The following KIRREL3 variants were observed in gnomAD, a reference collection of about 807,000 sequenced individuals.
The protein encoded by KIRREL3 is kin of IRRE-like protein 3.
In KIRREL3, 36 loss-of-function variants were observed where a neutral mutation model predicts 89.7. That is an observed-to-expected ratio of 0.40 (90% CI 0.31 to 0.53). The LOEUF is 0.53. KIRREL3 is among the 20% of genes least tolerant of loss of function. The probability of loss-of-function intolerance (pLI) is 0.49; values close to 1 mark genes in which losing one functional copy is unlikely to be tolerated. For missense variants in KIRREL3, 864 were observed against 1,056.6 expected, an observed-to-expected ratio of 0.82 and a Z score of 2.53; for synonymous variants, 445 against 441.4, an observed-to-expected ratio of 1.01 and a Z score of -0.10.
intron 1 of KIRREL3, among the ~76,000 whole-genome samples, chr11:126,834,169 A>C (rs1162252652): frequency 1.3e-5 from 2 of 152,222 alleles, no homozygotes; most frequent in South Asian, 4.1e-4. Flanking sequence ...GTTCGCCTCT[A>C]GTTCCTGGAG....
chr11:126,912,701 G>C lies in KIRREL3; in HGVS notation c.55+87754C>G, dbSNP rs2134918344. Among the ~76,000 whole-genome samples the C allele has an allele frequency of 6.6e-6, 1 of 152,354 alleles. No homozygotes were observed. Among genetic ancestry groups the C allele is most frequent in the African/African-American group, 2.4e-5 (1 of 41,576 alleles). ...TGTTCATCATGTTTCTGGGGTCTTTGTTTCAAATGTGAGGCACAACAGAGC... is the reference window on the plus strand; with the variant it reads ...TGTTCATCATGTTTCTGGGGTCTTTCTTTCAAATGTGAGGCACAACAGAGC... On this transcript the variant is annotated intron_variant, in intron 1 of 16. Transcript: ENST00000525144. The surrounding 1 kb of genome is among the most constrained non-coding windows in gnomAD (Gnocchi z 4.7).
Position 126,761,365 on chromosome 11 carries a change from G to T in KIRREL3, c.56-198453C>A, listed in dbSNP as rs1331462071. 6.6e-6 allele frequency among the ~76,000 whole-genome samples: 1 copy of T among 152,140 alleles called. No homozygotes were observed. Among genetic ancestry groups the T allele is most frequent in the Admixed American group, 6.5e-5 (1 of 15,278 alleles). On this transcript the variant is annotated intron_variant, in intron 1 of 16. Transcript: ENST00000525144. This position sits in a 1 kb window ranked among gnomAD's most constrained non-coding sequence, Gnocchi z 4.4. Reference sequence around the variant, plus strand: ...TCTCAGGAGTTTCCTACTCGCTGGGGCCTGTGAGGCACAGCAACTTGCCTG... The same window carrying T: ...TCTCAGGAGTTTCCTACTCGCTGGGTCCTGTGAGGCACAGCAACTTGCCTG...
In KIRREL3 at chr11:126,976,590, T is replaced by C. The variant is rs1279810164; in HGVS notation, c.55+23865A>G. On this transcript the variant is annotated intron_variant, in intron 1 of 16. Transcript: ENST00000525144. The surrounding 1 kb of genome is among the most constrained non-coding windows in gnomAD (Gnocchi z 4.2). ...ATCATATTTTCAAACGGTTTCAGTG[T>C]TCTGGGAAGTTAATTTTGTTGAATC... 6.6e-6 allele frequency among the ~76,000 whole-genome samples: 1 copy of C among 152,206 alleles called. No individual in the cohort carries two copies. Among genetic ancestry groups the C allele is most frequent in the African/African-American group, 2.4e-5 (1 of 41,452 alleles).
chr11:126,995,355 C>A lies in KIRREL3; in HGVS notation c.55+5100G>T. Reference sequence around the variant, plus strand: ...TCCAGCATGCTCATGATCTTACTGACCTTCTCCACTGATGAATTAGAACAC... The same window carrying A: ...TCCAGCATGCTCATGATCTTACTGAACTTCTCCACTGATGAATTAGAACAC... On this transcript the variant is annotated intron_variant, in intron 1 of 16. Coordinates refer to ENST00000525144, the MANE Select transcript of KIRREL3 (RefSeq NM_032531.4). This position sits in a 1 kb window ranked among gnomAD's most constrained non-coding sequence, Gnocchi z 6.5. 1 of 456,182 alleles carries A rather than the reference C, an allele frequency of 2.2e-6. No homozygotes were observed. Among genetic ancestry groups the A allele is most frequent in the African/African-American group, 2.0e-5 (1 of 50,174 alleles). The allele number at this position is 456,182 out of a possible 1,614,324, so 28.3% of individuals were successfully genotyped here. A position where few individuals can be genotyped will look rare whatever the true frequency, so the allele number is the denominator to read the frequency against.
In KIRREL3 at chr11:126,485,124, T is replaced by C. The variant is rs1265486084; in HGVS notation, c.434-11658A>G. ...GTGAGCCACTGCGCCCGGCCACAAGTGGGATTGTTAAAGGATGTGGCATCC... is the reference window on the plus strand; with the variant it reads ...GTGAGCCACTGCGCCCGGCCACAAGCGGGATTGTTAAAGGATGTGGCATCC... On this transcript the variant is annotated intron_variant, in intron 4 of 16. Transcript: ENST00000525144. The surrounding 1 kb of genome is among the most constrained non-coding windows in gnomAD (Gnocchi z 5.8). Among the ~76,000 whole-genome samples the C allele has an allele frequency of 2.6e-5, 4 of 151,792 alleles. No homozygotes were observed. Among genetic ancestry groups the C allele is most frequent in the Admixed American group, 6.5e-5 (1 of 15,270 alleles).
chr11:126,839,760 G>C (rs370478170), intron 1 of KIRREL3, among the ~76,000 whole-genome samples: 1 of 152,152 alleles, frequency 6.6e-6, no homozygotes, highest in Non-Finnish European at 1.5e-5. Context: ...GCATGCTTCG[G>C]TAATGTTTTA....
Position 126,691,851 on chromosome 11 carries a change from G to T in KIRREL3, c.56-128939C>A, listed in dbSNP as rs564236523. Among the ~76,000 whole-genome samples the T allele has an allele frequency of 1.1e-4, 17 of 152,208 alleles. No homozygotes were observed. The South Asian group carries it at 2.9e-3, about 26-fold the overall frequency. On this transcript the variant is annotated intron_variant, in intron 1 of 16. Coordinates refer to ENST00000525144, the MANE Select transcript of KIRREL3 (RefSeq NM_032531.4). ...AAATAACCAGATTTAAAAAAAATGG[G>T]AAAAGGACTTGAATAGACATTTCTC...
chr11:126,695,447 G>A (rs118181285), intron 1 of KIRREL3, among the ~76,000 whole-genome samples: 4 of 145,766 alleles, frequency 2.7e-5, no homozygotes, highest in South Asian at 2.2e-4. Context: ...TCTAAGTCAC[G>A]TGGCATCTGA....
chr11:126,437,567 C>T (rs762942398), intron 11 of KIRREL3, among the ~76,000 whole-genome samples: 1 of 144,242 alleles, frequency 6.9e-6, no homozygotes, highest in Non-Finnish European at 1.6e-5. Flanking sequence ...TGCACACATG[C>T]CTGCACATAT....
At position 126,708,209 on chromosome 11, in the gene KIRREL3, C is replaced by T. The variant is rs536681035; in HGVS notation, c.56-145297G>A. Among the ~76,000 whole-genome samples the T allele has an allele frequency of 3.3e-5, 5 of 152,168 alleles. No individual in the cohort carries two copies. The highest frequency in any genetic ancestry group is 7.3e-5 in the Non-Finnish European group (5 of 68,036). Reference sequence around the variant, plus strand: ...GGAAACTCATCTGCCTGTGCCGCTGCTTTTTCCTGGCAGTTTACAATGTTA... The same window carrying T: ...GGAAACTCATCTGCCTGTGCCGCTGTTTTTTCCTGGCAGTTTACAATGTTA... On this transcript the variant is annotated intron_variant, in intron 1 of 16. Transcript: ENST00000525144. This position sits in a 1 kb window ranked among gnomAD's most constrained non-coding sequence, Gnocchi z 5.7.
At chr11:126,857,624 T>C (rs574864244) in intron 1 of KIRREL3, among the ~76,000 whole-genome samples, 1 of 152,238 alleles carries the variant, frequency 6.6e-6, no homozygotes, top group African/African-American at 2.4e-5. Flanking sequence ...GACTGGTATT[T>C]CCTTCATGGT....
At chr11:126,504,310 C>T (rs1191259873) in intron 4 of KIRREL3, among the ~76,000 whole-genome samples, 2 of 152,286 alleles carry the variant, frequency 1.3e-5, no homozygotes, top group East Asian at 3.9e-4. Flanking sequence ...CTTATGGTCT[C>T]TTCTCAACCT....
At position 126,425,100 on chromosome 11, in the gene KIRREL3, C is replaced by T. The variant is rs949737607; in HGVS notation, c.1894-77G>A. 4.7e-5 allele frequency: 63 copies of T among 1,346,908 alleles called. 1 individual carries two copies. Among genetic ancestry groups the T allele is most frequent in the East Asian group, 1.8e-4 (7 of 39,608 alleles). 83.4% of individuals were successfully genotyped at this position (1,346,908 alleles called of 1,614,324 possible). A position where few individuals can be genotyped will look rare whatever the true frequency, so the allele number is the denominator to read the frequency against. On this transcript the variant is annotated intron_variant, in intron 16 of 16. Coordinates refer to ENST00000525144, the MANE Select transcript of KIRREL3 (RefSeq NM_032531.4). Reference sequence around the variant, plus strand: ...GTGGCTGGGGTTTCCAGGCTGAGCCCGTCCCCTTATGCGGGGAGGGAAGAG... The same window carrying T: ...GTGGCTGGGGTTTCCAGGCTGAGCCTGTCCCCTTATGCGGGGAGGGAAGAG...
At chr11:126,973,802 G>A (rs1482708695) in intron 1 of KIRREL3, among the ~76,000 whole-genome samples, 2 of 152,166 alleles carry the variant, frequency 1.3e-5, no homozygotes, top group Non-Finnish European at 2.9e-5. Flanking sequence ...CTCAATAAAT[G>A]TTAGTTGCAT....
At position 126,491,285 on chromosome 11, in the gene KIRREL3, G is replaced by T. The variant is rs1350413982; in HGVS notation, c.434-17819C>A. On this transcript the variant is annotated intron_variant, in intron 4 of 16. Coordinates refer to ENST00000525144, the MANE Select transcript of KIRREL3 (RefSeq NM_032531.4). This position sits in a 1 kb window ranked among gnomAD's most constrained non-coding sequence, Gnocchi z 5.5. The stretch of plus-strand genomic sequence containing the variant: ...CCTGTGAGCCTGAAACTCTGCTCAG[G>T]TGTCCGAATGTAATGTGAGCCCAAG... Among the ~76,000 whole-genome samples the T allele has an allele frequency of 6.6e-6, 1 of 152,232 alleles. No individual in the cohort carries two copies. Among genetic ancestry groups the T allele is most frequent in the Non-Finnish European group, 1.5e-5 (1 of 68,044 alleles).
rs540889637 is a variant in KIRREL3 at position 126,555,262 on chromosome 11, A to G, written c.133+7573T>C. 6.6e-6 allele frequency among the ~76,000 whole-genome samples: 1 copy of G among 152,198 alleles called. No homozygotes were observed. Among genetic ancestry groups the G allele is most frequent in the African/African-American group, 2.4e-5 (1 of 41,552 alleles). On this transcript the variant is annotated intron_variant, in intron 2 of 16. Coordinates refer to ENST00000525144, the MANE Select transcript of KIRREL3 (RefSeq NM_032531.4). The surrounding 1 kb of genome is among the most constrained non-coding windows in gnomAD (Gnocchi z 4.2). ...TGCTCACACACTCCCTCTCTCAAGC[A>G]GTGGCCAGAGGTAGGCTGAGTGAAA... is the stretch of plus-strand genomic sequence containing the variant.
intron 1 of KIRREL3, among the ~76,000 whole-genome samples, chr11:126,695,272 A>C (rs189630092): frequency 1.3e-5 from 2 of 152,288 alleles, no homozygotes; most frequent in Admixed American, 1.3e-4. Flanking sequence ...AGGAAGCAGC[A>C]ACTTGTCCAA....
At position 126,640,842 on chromosome 11, in the gene KIRREL3, C is replaced by T. The variant is rs1944440087; in HGVS notation, c.56-77930G>A. On this transcript the variant is annotated intron_variant, in intron 1 of 16. Transcript: ENST00000525144. The surrounding 1 kb of genome is among the most constrained non-coding windows in gnomAD (Gnocchi z 4.9). ...CACTGACTTATTGCTGGCATCTCCT[C>T]CCCTTGACCTTCATATTGGAGTCCT... is the stretch of plus-strand genomic sequence containing the variant. Among the ~76,000 whole-genome samples, 2 of 152,132 alleles carry T rather than the reference C, an allele frequency of 1.3e-5. No individual in the cohort carries two copies. The highest frequency in any genetic ancestry group is 2.4e-5 in the African/African-American group (1 of 41,432).
intron 1 of KIRREL3, among the ~76,000 whole-genome samples, chr11:126,584,412 T>G (rs1247863551): frequency 2.0e-5 from 3 of 152,242 alleles, no homozygotes; most frequent in African/African-American, 7.2e-5. Context: ...CCTCTCTGAC[T>G]GTAGCTCCTC....
Sources: allele counts gnomAD v4.1 joint callset (sites outside exome capture counted in the v4.1 genomes callset), GRCh38; gene constraint gnomAD v4.1.1; non-coding constraint Gnocchi (gnomAD v3.1); transcripts MANE v1.5; gene names NCBI Gene and HGNC (gene_info 2026-07-23, HGNC 2026-07-21).